The following GNAQ variants were observed in gnomAD, a reference collection of about 807,000 sequenced individuals.
GNAQ encodes the protein guanine nucleotide-binding protein G(q) subunit alpha.
GNAQ carries 8 observed loss-of-function variants against 43.9 expected under a neutral mutation model. That is an observed-to-expected ratio of 0.18 (90% CI 0.11 to 0.33). GNAQ has a LOEUF of 0.33. Ranked by LOEUF, GNAQ falls within the 10% of genes least tolerant of loss-of-function variation. The pLI, the probability that GNAQ is intolerant of heterozygous loss-of-function variation, is 1.00. For synonymous variants in GNAQ, 155 were observed against 170.7 expected (o/e 0.91, Z 0.71); for missense variants, 158 against 450.8 (o/e 0.35, Z 5.88).
intron 5 of GNAQ, among the ~76,000 whole-genome samples, chr9:77,731,652 G>A (rs777861014): frequency 1.6e-4 from 24 of 152,318 alleles, no homozygotes; most frequent in East Asian, 5.8e-4. Flanking sequence ...TCAACTTTGT[G>A]AAGCACTGTT....
At chr9:78,029,836 G>A (rs952209583) in intron 1 of GNAQ, among the ~76,000 whole-genome samples, 2 of 152,168 alleles carry the variant, frequency 1.3e-5, no homozygotes, top group Non-Finnish European at 2.9e-5. Flanking sequence ...AAATGTTTGA[G>A]AAACACATTT....
chr9:77,815,930 TAGAG>T (rs1343179053), intron 2 of GNAQ, among the ~76,000 whole-genome samples, 160 bp from the exon 3 acceptor site: 3 of 152,192 alleles, frequency 2.0e-5, no homozygotes, highest in Non-Finnish European at 2.9e-5. Flanking sequence ...TTGTTTTTCT[TAGAG>T]AGAACTCAGT....
chr9:77,853,748 A>G (rs1303320916), intron 2 of GNAQ, among the ~76,000 whole-genome samples: 2 of 119,152 alleles, frequency 1.7e-5, no homozygotes, highest in Admixed American at 1.2e-4. Flanking sequence ...GCGGATTTCA[A>G]TTTAGGATCT....
At chr9:78,012,387 G>A (rs1369774429) in intron 1 of GNAQ, among the ~76,000 whole-genome samples, 1 of 151,892 alleles carries the variant, frequency 6.6e-6, no homozygotes, top group Non-Finnish European at 1.5e-5. Flanking sequence ...ACAGGTGCGC[G>A]CCATACAGAT....
chr9:77,823,294 T>G (rs1827144413), intron 2 of GNAQ, among the ~76,000 whole-genome samples: 1 of 152,036 alleles, frequency 6.6e-6, no homozygotes, highest in Non-Finnish European at 1.5e-5. Flanking sequence ...CAAGGCCTGG[T>G]TTTTTTGTAG....
chr9:77,773,862 A>T (rs537778475), intron 5 of GNAQ, among the ~76,000 whole-genome samples: 1 of 152,340 alleles, frequency 6.6e-6, no homozygotes, highest in East Asian at 1.9e-4. Context: ...CATTTCACGA[A>T]ATCCAGACCC....
In GNAQ at chr9:77,925,940, C is replaced by A. The variant is rs529386430; in HGVS notation, c.137-3595G>T. Among the ~76,000 whole-genome samples, 4 of 152,266 alleles carry A rather than the reference C, an allele frequency of 2.6e-5. No individual in the cohort carries two copies. The South Asian group carries it at 6.2e-4, about 24-fold the overall frequency. ...TTTAAAACATCTCTAAATTATAATA[C>A]CTAATACAATGTAAATGCTATGTAA... On this transcript the variant is annotated intron_variant, in intron 1 of 6. Transcript: ENST00000286548.
chr9:77,941,324 A>G (rs543144908), intron 1 of GNAQ, among the ~76,000 whole-genome samples: 1 of 151,876 alleles, frequency 6.6e-6, no homozygotes, highest in African/African-American at 2.4e-5. Context: ...ATCTTGGCTC[A>G]GTACAAGCTC....
chr9:77,916,015 C>A (rs550784435), intron 2 of GNAQ, among the ~76,000 whole-genome samples: 1 of 152,168 alleles, frequency 6.6e-6, no homozygotes, highest in African/African-American at 2.4e-5. Flanking sequence ...TGCTCCAAAT[C>A]GGCACTTTTT....
intron 1 of GNAQ, among the ~76,000 whole-genome samples, chr9:78,006,983 G>C (rs1269696540): frequency 6.6e-6 from 1 of 152,188 alleles, no homozygotes; most frequent in Non-Finnish European, 1.5e-5. Flanking sequence ...GAATTGTTCA[G>C]CTTCACCAGA....
intron 1 of GNAQ, among the ~76,000 whole-genome samples, chr9:77,979,287 T>C (rs1823340018): frequency 6.8e-6 from 1 of 147,800 alleles, no homozygotes; most frequent in South Asian, 2.1e-4. Context: ...ACACAGGAGG[T>C]AGAGGTTGCG....
intron 1 of GNAQ, among the ~76,000 whole-genome samples, chr9:78,008,493 G>A (rs559605998): frequency 2.6e-5 from 4 of 152,236 alleles, no homozygotes; most frequent in Admixed American, 1.3e-4. Flanking sequence ...CATCCAACTG[G>A]AAAAACTGAG....
At chr9:77,897,080 C>CT (rs1828516400) in intron 2 of GNAQ, among the ~76,000 whole-genome samples, 1 of 152,226 alleles carries the variant, frequency 6.6e-6, no homozygotes, top group African/African-American at 2.4e-5. Context: ...CAACCCGCCC[C>CT]TTTGCCCCAT....
chr9:77,766,378 A>C (rs1032491321), intron 5 of GNAQ, among the ~76,000 whole-genome samples: 1 of 152,226 alleles, frequency 6.6e-6, no homozygotes, highest in Non-Finnish European at 1.5e-5. Context: ...TGTAAAGTAC[A>C]TATTAGAAAG....
chr9:78,024,890 G>C (rs1823958130), intron 1 of GNAQ, among the ~76,000 whole-genome samples: 1 of 151,840 alleles, frequency 6.6e-6, no homozygotes, highest in Admixed American at 6.6e-5. Flanking sequence ...AGTATATGTT[G>C]AAAAAATGGA....
chr9:78,003,879 T>C (rs1823674355), intron 1 of GNAQ, among the ~76,000 whole-genome samples: 1 of 151,348 alleles, frequency 6.6e-6, no homozygotes, highest in East Asian at 1.9e-4. Context: ...TTGTAACACT[T>C]TGCCAAAGTA....
intron 2 of GNAQ, among the ~76,000 whole-genome samples, chr9:77,819,029 A>AAAAAAAG (rs1564120114): frequency 8.4e-6 from 1 of 119,184 alleles, no homozygotes; most frequent in Non-Finnish European, 1.8e-5. Flanking sequence ...AAAAAAAAAA[A>AAAAAAAG]CACCCAAAAA....
intron 5 of GNAQ, among the ~76,000 whole-genome samples, chr9:77,740,891 T>C (rs981743560): frequency 6.6e-6 from 1 of 152,206 alleles, no homozygotes; most frequent in Non-Finnish European, 1.5e-5. Flanking sequence ...ATAGTAAATA[T>C]TCCAGTTTGT....
chr9:77,739,144 T>C (rs1825614713), intron 5 of GNAQ, among the ~76,000 whole-genome samples: 1 of 152,190 alleles, frequency 6.6e-6, no homozygotes, highest in Admixed American at 6.5e-5. Flanking sequence ...ACTCGTTTGA[T>C]TGTTTCCTCT....
Sources: gnomAD v4.1 joint callset for allele counts (sites outside exome capture counted in the v4.1 genomes callset) on GRCh38, gnomAD v4.1.1 for gene constraint, MANE v1.5 for transcripts, NCBI Gene and HGNC (gene_info 2026-07-23, HGNC 2026-07-21) for gene names.